Variants in KAZN observed in about 807,000 individuals in gnomAD.
The protein encoded by KAZN is kazrin.
A neutral mutation model predicts 87.4 loss-of-function variants in KAZN; 40 were observed. The observed-to-expected ratio is 0.46, with a 90% CI of 0.36 to 0.60. KAZN has a LOEUF of 0.60. Among genes scored for constraint, KAZN ranks in the 20% least tolerant of loss-of-function variants. The pLI, the probability that KAZN is intolerant of heterozygous loss-of-function variation, is 0.00. For synonymous variants in KAZN, 466 were observed against 458.3 expected, an observed-to-expected ratio of 1.02 and a Z score of -0.22; for missense variants, 898 against 1,073.9, an observed-to-expected ratio of 0.84 and a Z score of 2.29.
At position 13,946,174 on chromosome 1, in the gene KAZN, C is replaced by G. The variant is rs75175970; in HGVS notation, c.91+52418C>G. 0.01 allele frequency among the ~76,000 whole-genome samples: 1,540 copies of G among 152,190 alleles called. 121 individuals carry two copies. In the East Asian group the frequency reaches 0.2, roughly 20 times the overall value. ...AAGAAATGCATTCTTTTGGCTAACC[C>G]GAATCCCTCATGTCATGATTTAAGT... On this transcript the variant is annotated intron_variant, in intron 1 of 16. Coordinates refer to the KAZN transcript ENST00000636203.
At chr1:14,257,756 A>G (rs1650632284) in intron 2 of KAZN, among the ~76,000 whole-genome samples, 2 of 129,610 alleles carry the variant, frequency 1.5e-5, no homozygotes, top group Non-Finnish European at 3.1e-5. Context: ...GATCCCATGG[A>G]CACAGGAAGG....
intron 1 of KAZN, among the ~76,000 whole-genome samples, chr1:14,684,070 G>T (rs921263159): frequency 2.6e-5 from 4 of 152,120 alleles, no homozygotes; most frequent in Non-Finnish European, 5.9e-5. Flanking sequence ...GGCTGTCTAC[G>T]CAGAGTTTTA....
At chr1:13,959,249 A>G (rs1278172470) in intron 1 of KAZN, among the ~76,000 whole-genome samples, 2 of 152,152 alleles carry the variant, frequency 1.3e-5, no homozygotes, top group African/African-American at 4.8e-5. Flanking sequence ...GTCCTCACCA[A>G]AACCAAATCT....
chr1:14,816,829 G>C (rs929438305), intron 1 of KAZN, among the ~76,000 whole-genome samples: 1 of 152,150 alleles, frequency 6.6e-6, no homozygotes, highest in Non-Finnish European at 1.5e-5. Flanking sequence ...TGAATGGATG[G>C]ATAGATGATT....
chr1:14,489,021 T>C (rs1387674046), intron 2 of KAZN, among the ~76,000 whole-genome samples: 1 of 152,196 alleles, frequency 6.6e-6, no homozygotes, highest in East Asian at 1.9e-4. Context: ...TTTCCCTTTA[T>C]TGGGCCTTGA....
At chr1:14,747,901 C>T (rs753052105) in intron 1 of KAZN, among the ~76,000 whole-genome samples, 5 of 152,184 alleles carry the variant, frequency 3.3e-5, no homozygotes, top group Admixed American at 6.5e-5. Context: ...AAGTGGTATT[C>T]GGCTTATATT....
At chr1:14,528,155 T>A (rs1339044173) in intron 2 of KAZN, among the ~76,000 whole-genome samples, 1 of 151,566 alleles carries the variant, frequency 6.6e-6, no homozygotes, top group Non-Finnish European at 1.5e-5. Flanking sequence ...CTGGCCAACA[T>A]GGTGAAACTT....
chr1:14,508,228 G>A (rs1465318170), intron 2 of KAZN, among the ~76,000 whole-genome samples: 1 of 152,160 alleles, frequency 6.6e-6, no homozygotes, highest in African/African-American at 2.4e-5. Context: ...CCATCAGGCT[G>A]GACTAGAAGA....
intron 2 of KAZN, among the ~76,000 whole-genome samples, chr1:14,526,092 T>C (rs1671848320): frequency 6.6e-6 from 1 of 152,242 alleles, no homozygotes; most frequent in African/African-American, 2.4e-5. Flanking sequence ...ACATTTATGA[T>C]ACCATTTCCT....
rs147750870 is a variant in KAZN at position 15,053,472 on chromosome 1, A to G, written c.727-2619A>G. On this transcript the variant is annotated intron_variant, in intron 4 of 14. Coordinates refer to ENST00000376030, the MANE Select transcript of KAZN (RefSeq NM_201628.3). Reference sequence around the variant, plus strand: ...CTCTGTGAAGCAGCGACCTGCTTCCATTTATCCTGCAGGTTCTTACAGCAT... The same window carrying G: ...CTCTGTGAAGCAGCGACCTGCTTCCGTTTATCCTGCAGGTTCTTACAGCAT... Among the ~76,000 whole-genome samples the G allele has an allele frequency of 2.1e-3, 327 of 152,306 alleles. 1 individual carries two copies. The highest frequency in any genetic ancestry group is 0.02 in the Middle Eastern group (6 of 294).
chr1:14,120,290 C>G (rs909365215), intron 1 of KAZN, among the ~76,000 whole-genome samples: 2 of 151,918 alleles, frequency 1.3e-5, no homozygotes, highest in Non-Finnish European at 2.9e-5. Context: ...GGGGAGGTGC[C>G]GTGCACTCTT....
chr1:14,239,886 A>G (rs1648788112), intron 2 of KAZN, among the ~76,000 whole-genome samples: 1 of 152,072 alleles, frequency 6.6e-6, no homozygotes, highest in Admixed American at 6.5e-5. Context: ...TTTAATGGGT[A>G]GAGGCCAGTG....
intron 1 of KAZN, among the ~76,000 whole-genome samples, chr1:14,952,343 T>A (rs1662596631): frequency 6.6e-6 from 1 of 150,746 alleles, no homozygotes; most frequent in Non-Finnish European, 1.5e-5. Flanking sequence ...GCCACCAAGA[T>A]GGATGGGGTT....
At chr1:14,608,521 G>T (rs1009733623) in intron 1 of KAZN, among the ~76,000 whole-genome samples, 2 of 152,186 alleles carry the variant, frequency 1.3e-5, no homozygotes, top group South Asian at 4.1e-4. Context: ...GTTAAAACTG[G>T]CTGTGATAGA....
chr1:13,952,656 C>CG (rs1641397066), intron 1 of KAZN, among the ~76,000 whole-genome samples: 1 of 45,120 alleles, frequency 2.2e-5, no homozygotes, highest in Non-Finnish European at 4.5e-5. Context: ...TGTTATAAAC[C>CG]CCCGATCGCT....
Position 15,056,736 on chromosome 1 carries a change from G to T in KAZN, c.916+456G>T, listed in dbSNP as rs1449542552. On this transcript the variant is annotated intron_variant, in intron 5 of 14. Coordinates refer to ENST00000376030, the MANE Select transcript of KAZN (RefSeq NM_201628.3). This position sits in a 1 kb window ranked among gnomAD's most constrained non-coding sequence, Gnocchi z 5.4. ...GGCAGGGGAGGCAGCAGAACTCCTT[G>T]ATTGACAGCTCTGGCCAATCACAGG... 6.6e-6 allele frequency among the ~76,000 whole-genome samples: 1 copy of T among 152,198 alleles called. No individual in the cohort carries two copies. Among genetic ancestry groups the T allele is most frequent in the East Asian group, 1.9e-4 (1 of 5,202 alleles).
intron 2 of KAZN, among the ~76,000 whole-genome samples, chr1:14,334,847 G>T (rs749198542): frequency 2.0e-5 from 3 of 152,100 alleles, no homozygotes; most frequent in African/African-American, 7.2e-5. Flanking sequence ...CAGGACAAAC[G>T]CAGAGGCAGA....
rs1208177026 is a variant in KAZN at position 13,950,625 on chromosome 1, G to A, written c.91+56869G>A. 9.5e-5 allele frequency among the ~76,000 whole-genome samples: 14 copies of A among 147,116 alleles called. No homozygotes were observed. In the East Asian group the frequency reaches 1.6e-3, roughly 16 times the overall value. On this transcript the variant is annotated intron_variant, in intron 1 of 16. Transcript: ENST00000636203. ...TAAAGATACAGCTTACAAAGGCAGCGTCGGACTGCAGGAGTTATTATAACC... is the reference window on the plus strand; with the variant it reads ...TAAAGATACAGCTTACAAAGGCAGCATCGGACTGCAGGAGTTATTATAACC...
At chr1:14,984,203 C>T (rs918781403) in intron 2 of KAZN, among the ~76,000 whole-genome samples, 23 of 151,934 alleles carry the variant, frequency 1.5e-4, no homozygotes, top group African/African-American at 4.8e-4. Flanking sequence ...ACTAAAAATA[C>T]AAAATGAGCC....
Sources: allele counts gnomAD v4.1 joint callset (sites outside exome capture counted in the v4.1 genomes callset), GRCh38; gene constraint gnomAD v4.1.1; non-coding constraint Gnocchi (gnomAD v3.1); transcripts MANE v1.5; gene names NCBI Gene and HGNC (gene_info 2026-07-23, HGNC 2026-07-21).